PPP1R9A: variants seen among roughly 807,000 people sequenced by gnomAD.
PPP1R9A encodes the protein neurabin-1.
Under a neutral mutation model 141.9 loss-of-function variants are expected in PPP1R9A, and 59 were observed. That is an observed-to-expected ratio of 0.42 (90% CI 0.34 to 0.52). PPP1R9A has a LOEUF of 0.52. Among genes scored for constraint, PPP1R9A ranks in the 20% least tolerant of loss-of-function variants. The pLI, the probability that PPP1R9A is intolerant of heterozygous loss-of-function variation, is 0.10. For synonymous variants in PPP1R9A, 500 were observed against 569.7 expected, an observed-to-expected ratio of 0.88 and a Z score of 1.74; for missense variants, 1,444 against 1,611.9, an observed-to-expected ratio of 0.90 and a Z score of 1.78.
intron 12 of PPP1R9A, among the ~76,000 whole-genome samples, chr7:95,264,563 A>G (rs1383919966): frequency 6.6e-6 from 1 of 152,194 alleles, no homozygotes; most frequent in Non-Finnish European, 1.5e-5. Flanking sequence ...CATCAAATCC[A>G]TTAAATTCTT....
intron 5 of PPP1R9A, among the ~76,000 whole-genome samples, chr7:95,193,961 T>A (rs182429561): frequency 6.6e-6 from 1 of 152,222 alleles, no homozygotes; most frequent in East Asian, 1.9e-4. Flanking sequence ...AAAGAATTTA[T>A]GGCTTAAATT....
chr7:95,105,182 G>A (rs545800622), intron 2 of PPP1R9A, among the ~76,000 whole-genome samples: 71 of 152,342 alleles, frequency 4.7e-4, no homozygotes, highest in African/African-American at 1.6e-3. Context: ...TCATAAAGAA[G>A]TGAAGGAAAT....
intron 4 of PPP1R9A, among the ~76,000 whole-genome samples, chr7:95,146,454 C>G (rs1356129292): frequency 6.6e-6 from 1 of 152,156 alleles, no homozygotes; most frequent in Non-Finnish European, 1.5e-5. Flanking sequence ...GTTGCCTGTT[C>G]ACCCTGATGA....
At chr7:94,909,669 T>A (rs1791233409) in intron 1 of PPP1R9A, among the ~76,000 whole-genome samples, 1 of 151,884 alleles carries the variant, frequency 6.6e-6, no homozygotes, top group South Asian at 2.1e-4. Context: ...TGTGTGTGTG[T>A]GAGATTTTGA....
At chr7:95,272,150 G>A (rs937843794) in intron 14 of PPP1R9A, among the ~76,000 whole-genome samples, 2 of 152,120 alleles carry the variant, frequency 1.3e-5, no homozygotes, top group African/African-American at 2.4e-5. Flanking sequence ...GAGTGTTTTC[G>A]TGTACATTGC....
rs1167382285 is a variant in PPP1R9A at position 95,151,941 on chromosome 7, C to CTTTTTTTTTTTTT, written c.1650-9909_1650-9897dup. On this transcript the variant is annotated intron_variant, in intron 4 of 19. Coordinates refer to ENST00000433360, the MANE Select transcript of PPP1R9A (RefSeq NM_001166160.2). ...AATGTCAGCACATAGTACTGAGAATCTTTTTTTTTTTTTTTTTTTTTTTTT... is the reference window on the plus strand; with the variant it reads ...AATGTCAGCACATAGTACTGAGAATCTTTTTTTTTTTTTTTTTTTTTTTTTTTTTTTTTTTTTT... Among the ~76,000 whole-genome samples, 48 of 54,464 alleles carry CTTTTTTTTTTTTT rather than the reference C, an allele frequency of 8.8e-4. 10 individuals are homozygous for CTTTTTTTTTTTTT. The highest frequency in any genetic ancestry group is 3.0e-3 in the Admixed American group (10 of 3,320). The allele number at this position is 54,464 out of a possible 152,430, so 35.7% of individuals were successfully genotyped here. A position where few individuals can be genotyped will look rare whatever the true frequency, so the allele number is the denominator to read the frequency against.
At chr7:95,092,095 CTT>C (rs960943490) in intron 2 of PPP1R9A, among the ~76,000 whole-genome samples, 2 of 152,144 alleles carry the variant, frequency 1.3e-5, no homozygotes, top group Non-Finnish European at 2.9e-5. Flanking sequence ...TTATTTCTCT[CTT>C]TAGGCATTTT....
At chr7:94,941,910 T>C (rs1348938404) in intron 2 of PPP1R9A, among the ~76,000 whole-genome samples, 1 of 152,156 alleles carries the variant, frequency 6.6e-6, no homozygotes, top group Admixed American at 6.6e-5. Flanking sequence ...TTTGCATCTT[T>C]GTGACCTTAA....
intron 2 of PPP1R9A, among the ~76,000 whole-genome samples, chr7:95,020,557 ACCCAT>A (rs1805799322): frequency 6.6e-6 from 1 of 152,016 alleles, no homozygotes; most frequent in Non-Finnish European, 1.5e-5. Flanking sequence ...GGTTTGCTGC[ACCCAT>A]CAACCCGTCA....
chr7:94,962,523 A>T (rs1179278808), intron 2 of PPP1R9A, among the ~76,000 whole-genome samples: 3 of 149,702 alleles, frequency 2.0e-5, no homozygotes, highest in African/African-American at 5.1e-5. Flanking sequence ...TCTTTCTCAT[A>T]AAAAAAATCT....
chr7:95,126,539 C>T (rs1823593629), intron 4 of PPP1R9A, among the ~76,000 whole-genome samples: 1 of 152,150 alleles, frequency 6.6e-6, no homozygotes, highest in South Asian at 2.1e-4. Context: ...CCCATAAATT[C>T]CATTCCAGTC....
At chr7:95,030,621 T>C (rs1807533723) in intron 2 of PPP1R9A, among the ~76,000 whole-genome samples, 2 of 152,134 alleles carry the variant, frequency 1.3e-5, no homozygotes, top group Admixed American at 1.3e-4. Flanking sequence ...AGCTCTGAAG[T>C]TCTTACCATT....
At chr7:95,074,535 C>T (rs529328721) in intron 2 of PPP1R9A, among the ~76,000 whole-genome samples, 2 of 148,896 alleles carry the variant, frequency 1.3e-5, no homozygotes, top group East Asian at 3.9e-4. Context: ...AGTGCAATGG[C>T]GCGATCTTGG....
At chr7:95,018,230 A>C (rs888965580) in intron 2 of PPP1R9A, 3 of 229,500 alleles carry the variant, frequency 1.3e-5, no homozygotes, top group Admixed American at 1.2e-4. Flanking sequence ...ACTGTCCACC[A>C]TCTGAATGTT....
chr7:95,143,500 T>C (rs1022558011), intron 4 of PPP1R9A, among the ~76,000 whole-genome samples: 1 of 152,168 alleles, frequency 6.6e-6, no homozygotes, highest in Non-Finnish European at 1.5e-5. Context: ...AATTCTGATA[T>C]AGATGGTTAG....
At chr7:95,006,744 T>C (rs897016298) in intron 2 of PPP1R9A, among the ~76,000 whole-genome samples, 1 of 152,214 alleles carries the variant, frequency 6.6e-6, no homozygotes, top group African/African-American at 2.4e-5. Context: ...TTCTCAATTC[T>C]GATATGGTCT....
At chr7:95,171,820 C>T (rs1236578574) in intron 5 of PPP1R9A, among the ~76,000 whole-genome samples, 1 of 151,556 alleles carries the variant, frequency 6.6e-6, no homozygotes, top group African/African-American at 2.4e-5. Flanking sequence ...TTTTATGAAG[C>T]CAATGTTGCT....
rs183420790 is a variant in PPP1R9A, at chr7:95,006,925, C to T, written c.1395+95417C>T. ...TTGCCCAGGCTGGAGTGCAATGCTG[C>T]GATCTTGGCTCATCGCAACCTCCAC... On this transcript the variant is annotated intron_variant, in intron 2 of 19. Transcript: ENST00000433360. Among the ~76,000 whole-genome samples the T allele has an allele frequency of 3.4e-3, 511 of 151,740 alleles. 5 individuals carry two copies. The highest frequency in any genetic ancestry group is 0.012 in the African/African-American group (486 of 41,380).
At chr7:95,141,963 C>G (rs771550730) in intron 4 of PPP1R9A, among the ~76,000 whole-genome samples, 1 of 152,098 alleles carries the variant, frequency 6.6e-6, no homozygotes, top group Admixed American at 6.6e-5. Flanking sequence ...GTTTCATAAG[C>G]AGCTGAGTCA....
Sources: allele counts gnomAD v4.1 joint callset (sites outside exome capture counted in the v4.1 genomes callset), GRCh38; gene constraint gnomAD v4.1.1; transcripts MANE v1.5; gene names NCBI Gene and HGNC (gene_info 2026-07-23, HGNC 2026-07-21).